SEMA3E: variants seen among roughly 807,000 people sequenced by gnomAD.
SEMA3E encodes semaphorin-3E.
In SEMA3E, 49 loss-of-function variants were observed where a neutral mutation model predicts 93.6. The ratio of observed to expected loss-of-function variants is 0.52; its 90% confidence interval spans 0.42 to 0.66. The LOEUF (loss-of-function observed/expected upper bound fraction) is 0.66. Among genes scored for constraint, SEMA3E ranks in the 30% least tolerant of loss-of-function variants. The probability of loss-of-function intolerance (pLI) is 0.00; values close to 1 mark genes in which losing one functional copy is unlikely to be tolerated. For missense variants in SEMA3E, 906 were observed against 964.8 expected, an observed-to-expected ratio of 0.94 and a Z score of 0.81; for synonymous variants, 363 against 330.7, an observed-to-expected ratio of 1.10 and a Z score of -1.06.
chr7:83,473,764 T>A (rs1789950816), intron 2 of SEMA3E, among the ~76,000 whole-genome samples: 1 of 152,108 alleles, frequency 6.6e-6, no homozygotes. Flanking sequence ...GTTTCTAAAA[T>A]CTCATATTTG....
rs557356328 is a variant in SEMA3E, at chr7:83,366,260, A to T, written c.*1326T>A. On this transcript the variant is annotated 3_prime_UTR_variant, in exon 17 of 17. Coordinates refer to ENST00000643230, the MANE Select transcript of SEMA3E (RefSeq NM_012431.3). Reference sequence around the variant, plus strand: ...TTTCAATTTTTATTTAGGTGAAAACATCTTACAAAATTTCATATTTTAGAA... The same window carrying T: ...TTTCAATTTTTATTTAGGTGAAAACTTCTTACAAAATTTCATATTTTAGAA... 1 of 152,212 alleles carries T rather than the reference A, an allele frequency of 6.6e-6. No homozygotes were observed. Among genetic ancestry groups the T allele is most frequent in the East Asian group, 1.9e-4 (1 of 5,188 alleles). 9.4% of individuals were successfully genotyped at this position (152,212 alleles called of 1,614,324 possible). A position where few individuals can be genotyped will look rare whatever the true frequency, so the allele number is the denominator to read the frequency against.
chr7:83,604,866 T>C (rs1562851732), intron 1 of SEMA3E, among the ~76,000 whole-genome samples: 1 of 152,092 alleles, frequency 6.6e-6, no homozygotes, highest in East Asian at 1.9e-4. Context: ...CTCCCACTTA[T>C]GAGTGAGAAC....
intron 3 of SEMA3E, among the ~76,000 whole-genome samples, chr7:83,468,229 T>G (rs930148894): frequency 6.6e-6 from 1 of 152,200 alleles, no homozygotes; most frequent in Admixed American, 6.5e-5. Flanking sequence ...TCTTCAAGTT[T>G]GCATTCACAT....
At chr7:83,437,152 A>G (rs1789021524) in intron 4 of SEMA3E, among the ~76,000 whole-genome samples, 1 of 152,146 alleles carries the variant, frequency 6.6e-6, no homozygotes, top group Admixed American at 6.5e-5. Flanking sequence ...CAGCCAAACC[A>G]TATCAGTAGT....
At chr7:83,498,743 T>C (rs1790540691) in intron 1 of SEMA3E, among the ~76,000 whole-genome samples, 1 of 152,152 alleles carries the variant, frequency 6.6e-6, no homozygotes, top group Admixed American at 6.5e-5. Context: ...CCTCCCAAAG[T>C]CGTGGGATTA....
At position 83,455,904 on chromosome 7, in the gene SEMA3E, T is replaced by C. The variant is rs553334138; in HGVS notation, c.456+10578A>G. Among the ~76,000 whole-genome samples, 25 of 152,316 alleles carry C rather than the reference T, an allele frequency of 1.6e-4. No individual in the cohort carries two copies. In the East Asian group the frequency reaches 4.8e-3, roughly 29 times the overall value. On this transcript the variant is annotated intron_variant, in intron 4 of 16. Coordinates refer to ENST00000643230, the MANE Select transcript of SEMA3E (RefSeq NM_012431.3). ...TGCCAATAACCTCATGAACCCGGAA[T>C]ATGACCCTGAGCTCCAGAAAGATTG...
At chr7:83,568,121 A>T (rs1792202065) in intron 1 of SEMA3E, among the ~76,000 whole-genome samples, 1 of 152,128 alleles carries the variant, frequency 6.6e-6, no homozygotes. Flanking sequence ...AACAAACTGG[A>T]AACCTAGAAG....
chr7:83,632,031 T>C (rs1793795454), intron 1 of SEMA3E, among the ~76,000 whole-genome samples: 1 of 151,836 alleles, frequency 6.6e-6, no homozygotes, highest in Non-Finnish European at 1.5e-5. Context: ...GGTACGTGCC[T>C]GTAATCCTGG....
intron 9 of SEMA3E, among the ~76,000 whole-genome samples, chr7:83,404,370 C>G (rs1017795347): frequency 3.3e-5 from 5 of 151,810 alleles, no homozygotes; most frequent in African/African-American, 9.7e-5. Context: ...AAAGACCCCA[C>G]GTAAGCACAG....
Position 83,367,325 on chromosome 7 carries a change from A to C in SEMA3E, c.*261T>G. On this transcript the variant is annotated 3_prime_UTR_variant, in exon 17 of 17. Coordinates refer to ENST00000643230, the MANE Select transcript of SEMA3E (RefSeq NM_012431.3). ...TTCACAGAAAAGCAGCCAAGTACTGAAAATAACAGCTACAGTTGTTTTTTG... is the reference window on the plus strand; with the variant it reads ...TTCACAGAAAAGCAGCCAAGTACTGCAAATAACAGCTACAGTTGTTTTTTG... 1 of 394,788 alleles carries C rather than the reference A, an allele frequency of 2.5e-6. No individual in the cohort carries two copies. The highest frequency in any genetic ancestry group is 3.9e-5 in the South Asian group (1 of 25,488). The allele number at this position is 394,788 out of a possible 1,614,324, so 24.5% of individuals were successfully genotyped here. A position where few individuals can be genotyped will look rare whatever the true frequency, so the allele number is the denominator to read the frequency against.
chr7:83,443,058 A>G (rs961228672), intron 4 of SEMA3E, among the ~76,000 whole-genome samples: 10 of 152,320 alleles, frequency 6.6e-5, no homozygotes, highest in African/African-American at 2.4e-4. Flanking sequence ...CCAGAATTTG[A>G]GCAGCTCTGT....
chr7:83,423,884 A>G (rs1231935588), intron 4 of SEMA3E, among the ~76,000 whole-genome samples: 2 of 152,132 alleles, frequency 1.3e-5, no homozygotes, highest in South Asian at 4.1e-4. Flanking sequence ...ATCACCACTA[A>G]TAACTTACTC....
intron 9 of SEMA3E, among the ~76,000 whole-genome samples, chr7:83,404,047 C>T (rs904983267): frequency 1.3e-5 from 2 of 151,742 alleles, no homozygotes; most frequent in Non-Finnish European, 2.9e-5. Flanking sequence ...AAAACTAAAC[C>T]GATTATTCCA....
At chr7:83,565,181 C>A (rs112356089) in intron 1 of SEMA3E, among the ~76,000 whole-genome samples, 1 of 151,906 alleles carries the variant, frequency 6.6e-6, no homozygotes, top group African/African-American at 2.4e-5. Context: ...AAAGAAAATG[C>A]GGTACATATA....
chr7:83,494,142 G>T (rs986018074), intron 1 of SEMA3E, among the ~76,000 whole-genome samples: 3 of 151,546 alleles, frequency 2.0e-5, no homozygotes, highest in Admixed American at 1.3e-4. Context: ...AGGGAGTAAG[G>T]GTAAGAGAAA....
chr7:83,364,967 TG>T lies in SEMA3E; in HGVS notation c.*2618del, dbSNP rs2116887896. The T allele has an allele frequency of 6.6e-6, 1 of 152,332 alleles. No individual in the cohort carries two copies. Among genetic ancestry groups the T allele is most frequent in the Admixed American group, 6.5e-5 (1 of 15,300 alleles). 9.4% of individuals were successfully genotyped at this position (152,332 alleles called of 1,614,324 possible). A position where few individuals can be genotyped will look rare whatever the true frequency, so the allele number is the denominator to read the frequency against. The stretch of plus-strand genomic sequence containing the variant: ...CCATCCATTTTTAATTTTTAAAGCC[TG>T]GGCATTTCTCACAACAGATTCTGAA... On this transcript the variant is annotated 3_prime_UTR_variant, in exon 17 of 17. Coordinates refer to ENST00000643230, the MANE Select transcript of SEMA3E (RefSeq NM_012431.3).
chr7:83,565,306 C>T (rs1792121042), intron 1 of SEMA3E, among the ~76,000 whole-genome samples: 1 of 152,088 alleles, frequency 6.6e-6, no homozygotes, highest in Admixed American at 6.5e-5. Flanking sequence ...GAAAACCAAA[C>T]ACTGCATGTT....
chr7:83,426,223 A>G (rs10255139), intron 4 of SEMA3E, among the ~76,000 whole-genome samples: 5,923 of 152,236 alleles, frequency 0.039, 365 homozygotes, highest in African/African-American at 0.13. Flanking sequence ...TCCCGTTACT[A>G]GGTATATGCC....
At chr7:83,381,079 C>T (rs2116910439) in intron 16 of SEMA3E, among the ~76,000 whole-genome samples, 1 of 152,066 alleles carries the variant, frequency 6.6e-6, no homozygotes, top group Non-Finnish European at 1.5e-5. Context: ...ACCTTTATCC[C>T]CATCCCAACA....
Sources: gnomAD v4.1 joint callset for allele counts (sites outside exome capture counted in the v4.1 genomes callset) on GRCh38, gnomAD v4.1.1 for gene constraint, MANE v1.5 for transcripts, NCBI Gene and HGNC (gene_info 2026-07-23, HGNC 2026-07-21) for gene names.